The following PLCB4 variants were observed in gnomAD, a reference collection of about 807,000 sequenced individuals.
PLCB4 encodes phospholipase C beta 4.
PLCB4 carries 77 observed loss-of-function variants against 178.8 expected under a neutral mutation model. The observed-to-expected ratio is 0.43, with a 90% CI of 0.36 to 0.52. The LOEUF is 0.52. Among genes scored for constraint, PLCB4 ranks in the 20% least tolerant of loss-of-function variants. PLCB4 has a pLI of 0.00. For missense variants in PLCB4, 1,024 were observed against 1,453.4 expected, an observed-to-expected ratio of 0.70 and a Z score of 4.80; for synonymous variants, 496 against 490.8, an observed-to-expected ratio of 1.01 and a Z score of -0.14.
At chr20:9,153,047 C>T (rs1009045650) in intron 2 of PLCB4, among the ~76,000 whole-genome samples, 1 of 152,168 alleles carries the variant, frequency 6.6e-6, no homozygotes, top group Non-Finnish European at 1.5e-5. Context: ...CCAATGCCTC[C>T]TATTTGGAAC....
At chr20:9,304,419 G>A (rs2094741109) in intron 3 of PLCB4, among the ~76,000 whole-genome samples, 1 of 151,870 alleles carries the variant, frequency 6.6e-6, no homozygotes, top group Non-Finnish European at 1.5e-5. Flanking sequence ...ACATGTGTGT[G>A]GGTAGCCAGG....
chr20:9,139,406 G>A (rs1377958444), intron 2 of PLCB4, among the ~76,000 whole-genome samples: 3 of 152,048 alleles, frequency 2.0e-5, no homozygotes, highest in Non-Finnish European at 4.4e-5. Context: ...TCACTCACAT[G>A]GTTAGTAGTT....
At chr20:9,320,033 A>C (rs1023671768) in intron 4 of PLCB4, among the ~76,000 whole-genome samples, 1 of 152,182 alleles carries the variant, frequency 6.6e-6, no homozygotes, top group Non-Finnish European at 1.5e-5. Context: ...CTCGCCCAAG[A>C]AAGAATTAGA....
Position 9,459,058 on chromosome 20 carries a change from T to C in PLCB4, c.3073-577T>C, listed in dbSNP as rs118069847. 4.3e-4 allele frequency among the ~76,000 whole-genome samples: 65 copies of C among 152,196 alleles called. No individual in the cohort carries two copies. In the East Asian group the frequency reaches 0.012, roughly 29 times the overall value. ...AGCCTAAGGCCCACACAAATCAGAGTGTTGGCTGAGTGTGGTGGCTCACGC... is the reference window on the plus strand; with the variant it reads ...AGCCTAAGGCCCACACAAATCAGAGCGTTGGCTGAGTGTGGTGGCTCACGC... On this transcript the variant is annotated intron_variant, in intron 34 of 39. Coordinates refer to ENST00000378473, the MANE Select transcript of PLCB4 (RefSeq NM_001377142.1).
intron 2 of PLCB4, among the ~76,000 whole-genome samples, chr20:9,154,968 T>TTCC (rs2092762538): frequency 1.0e-5 from 1 of 96,572 alleles, no homozygotes; most frequent in Non-Finnish European, 2.2e-5. Context: ...TCCTTCCTTC[T>TTCC]GCTTTTGGGG....
At chr20:9,454,203 C>A (rs1397250498) in intron 33 of PLCB4, among the ~76,000 whole-genome samples, 6 of 152,114 alleles carry the variant, frequency 3.9e-5, no homozygotes, top group Non-Finnish European at 5.9e-5. Flanking sequence ...GCAAGCACAC[C>A]ATGGAAACAA....
intron 1 of PLCB4, among the ~76,000 whole-genome samples, chr20:9,075,554 G>A (rs2089816962): frequency 6.6e-6 from 1 of 152,212 alleles, no homozygotes; most frequent in Admixed American, 6.5e-5. Flanking sequence ...TTTTAATGAG[G>A]GTGTGGTGTA....
intron 1 of PLCB4, among the ~76,000 whole-genome samples, chr20:9,081,837 T>C (rs1382380229): frequency 6.9e-6 from 1 of 144,874 alleles, no homozygotes; most frequent in East Asian, 2.0e-4. Flanking sequence ...AAAAAAGTAT[T>C]TCATGATTAT....
At chr20:9,465,885 A>T (rs534252980) in intron 35 of PLCB4, among the ~76,000 whole-genome samples, 2 of 152,228 alleles carry the variant, frequency 1.3e-5, no homozygotes, top group Non-Finnish European at 2.9e-5. Flanking sequence ...ATTCAATGCC[A>T]TCCCCATCAA....
At chr20:9,325,521 G>A (rs1161139756) in intron 4 of PLCB4, among the ~76,000 whole-genome samples, 1 of 152,134 alleles carries the variant, frequency 6.6e-6, no homozygotes, top group African/African-American at 2.4e-5. Flanking sequence ...CAGAATCTGA[G>A]CATCCAGATT....
At chr20:9,234,583 G>A (rs1270022976) in intron 3 of PLCB4, among the ~76,000 whole-genome samples, 5 of 152,170 alleles carry the variant, frequency 3.3e-5, no homozygotes, top group Admixed American at 3.3e-4. Context: ...GTCAAATGCT[G>A]TCAAGATGAT....
chr20:9,143,238 TA>T (rs2092530867), intron 2 of PLCB4, among the ~76,000 whole-genome samples: 1 of 152,162 alleles, frequency 6.6e-6, no homozygotes, highest in Non-Finnish European at 1.5e-5. Flanking sequence ...TCTCCCTCTT[TA>T]AAATTGAAGT....
intron 36 of PLCB4, 137 bp downstream of exon 36, chr20:9,468,809 T>C (rs550410363): frequency 2.3e-5 from 13 of 564,338 alleles, no homozygotes; most frequent in African/African-American, 2.1e-4. Context: ...TCTGCTATTA[T>C]AACTGCAATG....
chr20:9,476,138 GCAGAAA>G (rs2044527965), intron 38 of PLCB4, among the ~76,000 whole-genome samples: 1 of 152,194 alleles, frequency 6.6e-6, no homozygotes, highest in Non-Finnish European at 1.5e-5. Flanking sequence ...GGGGGCACTG[GCAGAAA>G]CAAACCAGGC....
intron 3 of PLCB4, among the ~76,000 whole-genome samples, chr20:9,262,020 T>A (rs1049549657): frequency 4.6e-5 from 7 of 152,166 alleles, no homozygotes; most frequent in African/African-American, 1.7e-4. Flanking sequence ...TCAAGGTGAA[T>A]TCCACCTGAT....
intron 2 of PLCB4, among the ~76,000 whole-genome samples, chr20:9,165,229 G>A (rs1376536314): frequency 1.3e-5 from 2 of 152,180 alleles, no homozygotes; most frequent in African/African-American, 4.8e-5. Flanking sequence ...ATGTTCTAGT[G>A]TAATGCAAAG....
intron 2 of PLCB4, among the ~76,000 whole-genome samples, chr20:9,197,206 C>T (rs1302226398): frequency 1.3e-5 from 2 of 152,146 alleles, no homozygotes; most frequent in African/African-American, 4.8e-5. Flanking sequence ...TTCTGATCAC[C>T]TGGTTGTAAC....
At chr20:9,145,646 G>T (rs956071618) in intron 2 of PLCB4, among the ~76,000 whole-genome samples, 2 of 151,860 alleles carry the variant, frequency 1.3e-5, no homozygotes, top group Admixed American at 6.6e-5. Context: ...CTTCCCATTC[G>T]TTCATTTCAT....
intron 4 of PLCB4, among the ~76,000 whole-genome samples, chr20:9,314,275 G>A (rs2094872724): frequency 6.6e-6 from 1 of 152,202 alleles, no homozygotes; most frequent in Admixed American, 6.5e-5. Flanking sequence ...GCAGTGATCA[G>A]TTCTGGATGA....
Sources: allele counts gnomAD v4.1 joint callset (sites outside exome capture counted in the v4.1 genomes callset), GRCh38; gene constraint gnomAD v4.1.1; transcripts MANE v1.5; gene names NCBI Gene and HGNC (gene_info 2026-07-23, HGNC 2026-07-21).